The following STK39 variants were observed in gnomAD, a reference collection of about 807,000 sequenced individuals.
STK39 encodes STE20/SPS1-related proline-alanine-rich protein kinase.
Under a neutral mutation model 77.8 loss-of-function variants are expected in STK39, and 20 were observed. The ratio of observed to expected loss-of-function variants is 0.26; its 90% CI spans 0.18 to 0.37. STK39 has a LOEUF of 0.37. STK39 is among the 10% of genes least tolerant of loss of function. The pLI is 1.00. For missense variants in STK39, 479 were observed against 656.5 expected (o/e 0.73, Z 2.95); for synonymous variants, 246 against 234.1 (o/e 1.05, Z -0.47).
intron 1 of STK39, among the ~76,000 whole-genome samples, chr2:168,187,445 G>A (rs139784786): frequency 6.6e-6 from 1 of 152,176 alleles, no homozygotes; most frequent in South Asian, 2.1e-4. Flanking sequence ...CTTATGCTTG[G>A]ATGACTTGCC....
chr2:168,139,929 T>C (rs1687937397), intron 7 of STK39, among the ~76,000 whole-genome samples: 1 of 152,116 alleles, frequency 6.6e-6, no homozygotes, highest in African/African-American at 2.4e-5. Flanking sequence ...GGGAAACCCA[T>C]TTGCAGAGAT....
intron 16 of STK39, among the ~76,000 whole-genome samples, chr2:167,972,369 T>C (rs981115447): frequency 6.6e-6 from 1 of 152,176 alleles, no homozygotes; most frequent in South Asian, 2.1e-4. Context: ...AGGGGTATCT[T>C]AGGATAAAAC....
At chr2:168,054,788 A>G (rs894796668) in intron 14 of STK39, among the ~76,000 whole-genome samples, 1 of 146,330 alleles carries the variant, frequency 6.8e-6, no homozygotes, top group African/African-American at 2.5e-5. Context: ...AAAAAAAAAA[A>G]CTCACACACA....
At chr2:167,987,085 C>A (rs1683580048) in intron 16 of STK39, among the ~76,000 whole-genome samples, 2 of 152,164 alleles carry the variant, frequency 1.3e-5, no homozygotes, top group Non-Finnish European at 2.9e-5. Flanking sequence ...TAACCGTGGG[C>A]AGGACTGGCT....
chr2:167,992,994 T>C (rs2105285180), intron 16 of STK39, among the ~76,000 whole-genome samples: 1 of 152,362 alleles, frequency 6.6e-6, no homozygotes, highest in Admixed American at 6.5e-5. Flanking sequence ...GTTTCTTCTC[T>C]GCTTTAATAT....
chr2:168,226,056 TCTGA>T (rs1393303942), intron 1 of STK39, among the ~76,000 whole-genome samples: 1 of 152,128 alleles, frequency 6.6e-6, no homozygotes, highest in East Asian at 1.9e-4. Context: ...GAGCCAAAAT[TCTGA>T]CTAAGTAGAA....
chr2:168,192,111 C>G (rs191721478), intron 1 of STK39, among the ~76,000 whole-genome samples: 1 of 152,076 alleles, frequency 6.6e-6, no homozygotes, highest in Non-Finnish European at 1.5e-5. Flanking sequence ...AGGGAAAGAC[C>G]CTTTCCGAAG....
intron 16 of STK39, among the ~76,000 whole-genome samples, chr2:168,003,102 G>GC (rs374423985): frequency 2.9e-3 from 438 of 152,288 alleles, no homozygotes; most frequent in Non-Finnish European, 4.0e-3. Flanking sequence ...TCCTGCCTCA[G>GC]CCCCCTGAGT....
intron 16 of STK39, among the ~76,000 whole-genome samples, chr2:168,002,175 A>C (rs961073566): frequency 6.6e-6 from 1 of 152,236 alleles, no homozygotes; most frequent in Middle Eastern, 3.2e-3. Context: ...CTATCTCTGT[A>C]CTAATGGTTT....
intron 10 of STK39, among the ~76,000 whole-genome samples, chr2:168,099,885 AT>A (rs926663430): frequency 6.6e-6 from 1 of 152,242 alleles, no homozygotes; most frequent in African/African-American, 2.4e-5. Context: ...TCAAAAAGTT[AT>A]GCCAGGCTTG....
intron 12 of STK39, 77 bp downstream of exon 12, chr2:168,074,905 C>G (rs1686037479): frequency 3.1e-5 from 48 of 1,531,448 alleles, no homozygotes; most frequent in Non-Finnish European, 4.1e-5. Flanking sequence ...TGAAGCATCT[C>G]CCCTAAATGG....
chr2:168,032,812 C>T (rs764502252), intron 14 of STK39, among the ~76,000 whole-genome samples: 2 of 152,142 alleles, frequency 1.3e-5, no homozygotes, highest in African/African-American at 2.4e-5. Context: ...GCCCTTTCCC[C>T]GATGGGTAAC....
chr2:168,051,055 C>A (rs1685382883), intron 14 of STK39, among the ~76,000 whole-genome samples: 1 of 152,220 alleles, frequency 6.6e-6, no homozygotes, highest in Non-Finnish European at 1.5e-5. Context: ...CAAGACTCAG[C>A]ATCTCAAGGA....
intron 16 of STK39, among the ~76,000 whole-genome samples, chr2:167,999,618 C>A (rs531649860): frequency 6.6e-6 from 1 of 151,976 alleles, no homozygotes; most frequent in Admixed American, 6.6e-5. Context: ...CCTGACACCA[C>A]GCCCGGCTAA....
intron 14 of STK39, among the ~76,000 whole-genome samples, chr2:168,029,614 C>T (rs533106207): frequency 7.4e-4 from 113 of 152,236 alleles, no homozygotes; most frequent in African/African-American, 2.6e-3. Flanking sequence ...GCTCAAAGAA[C>T]CTGGAGAAAT....
chr2:168,147,197 A>G (rs1346322912), intron 5 of STK39, among the ~76,000 whole-genome samples: 1 of 152,238 alleles, frequency 6.6e-6, no homozygotes. Flanking sequence ...TGTCATATTT[A>G]TATCATGAAA....
intron 1 of STK39, among the ~76,000 whole-genome samples, chr2:168,203,396 C>T (rs1381496946): frequency 6.6e-6 from 1 of 151,672 alleles, no homozygotes; most frequent in Admixed American, 6.6e-5. Flanking sequence ...AAATAATCTG[C>T]CTAAAATGTC....
At chr2:168,109,039 C>G (rs936392081) in intron 10 of STK39, among the ~76,000 whole-genome samples, 3 of 152,124 alleles carry the variant, frequency 2.0e-5, no homozygotes, top group African/African-American at 4.8e-5. Context: ...AGGTTAGGTA[C>G]CTTGCCCTTT....
At chr2:168,242,553 A>G (rs1690786609) in intron 1 of STK39, among the ~76,000 whole-genome samples, 1 of 50,666 alleles carries the variant, frequency 2.0e-5, no homozygotes, top group Non-Finnish European at 3.7e-5. Context: ...TTACAAAAAA[A>G]AAAAAAAATA....
Sources: gnomAD v4.1 joint callset for allele counts (sites outside exome capture counted in the v4.1 genomes callset) on GRCh38, gnomAD v4.1.1 for gene constraint, MANE v1.5 for transcripts, NCBI Gene and HGNC (gene_info 2026-07-23, HGNC 2026-07-21) for gene names.